Variants in DNAH11 observed in about 807,000 individuals in gnomAD.
DNAH11 encodes axonemal beta dynein heavy chain 11.
A neutral mutation model predicts 526.0 loss-of-function variants in DNAH11; 442 were observed. The observed-to-expected ratio is 0.84, with a 90% CI of 0.78 to 0.91. DNAH11 has a LOEUF of 0.91. DNAH11 is among the 40% of genes least tolerant of loss of function. The pLI is 0.00. For synonymous variants in DNAH11, 2,461 were observed against 1,935.9 expected (o/e 1.27, Z -7.12); for missense variants, 6,989 against 5,448.7 (o/e 1.28, Z -8.90).
chr7:21,690,951 T>C, intron 35 of DNAH11, 70 bp downstream of exon 35: 3 of 1,166,964 alleles, frequency 2.6e-6, no homozygotes, highest in South Asian at 1.5e-5. Flanking sequence ...TTTGCACTGT[T>C]AAGTGGTTTG....
intron 63 of DNAH11, among the ~76,000 whole-genome samples, chr7:21,810,416 G>A (rs1334401336): frequency 6.6e-6 from 1 of 152,110 alleles, no homozygotes; most frequent in Non-Finnish European, 1.5e-5. Context: ...ATGGACATGG[G>A]CACAGATATT....
At chr7:21,634,744 G>T (rs190893445) in intron 25 of DNAH11, among the ~76,000 whole-genome samples, 149 of 152,142 alleles carry the variant, frequency 9.8e-4, no homozygotes, top group Non-Finnish European at 1.6e-3. Flanking sequence ...GAAATCATGT[G>T]CACACCAAAC....
At chr7:21,564,062 G>A (rs1783566145) in intron 5 of DNAH11, 124 bp from the exon 6 acceptor site, 2 of 603,894 alleles carry the variant, frequency 3.3e-6, no homozygotes, top group East Asian at 5.7e-5. Context: ...AATATAAAAG[G>A]AACTATGACA....
chr7:21,741,824 G>T, intron 48 of DNAH11, 103 bp from the exon 49 acceptor site: 1 of 1,318,900 alleles, frequency 7.6e-7, no homozygotes. Flanking sequence ...AAAGCTACAT[G>T]GTAATGGGCC....
chr7:21,718,955 A>G (rs1373092569), intron 43 of DNAH11, among the ~76,000 whole-genome samples: 4 of 152,230 alleles, frequency 2.6e-5, no homozygotes, highest in Non-Finnish European at 2.9e-5. Flanking sequence ...GAATTTGTTC[A>G]TTATGAATTA....
chr7:21,765,135 G>A (rs1048777393), intron 54 of DNAH11, among the ~76,000 whole-genome samples: 1 of 152,154 alleles, frequency 6.6e-6, no homozygotes, highest in African/African-American at 2.4e-5. Flanking sequence ...CTTGTGTAAT[G>A]TAAATGAATA....
At chr7:21,565,544 G>A (rs914547817) in intron 6 of DNAH11, among the ~76,000 whole-genome samples, 1 of 152,124 alleles carries the variant, frequency 6.6e-6, no homozygotes, top group African/African-American at 2.4e-5. Flanking sequence ...GGAGTATGAG[G>A]TTGCATTGTT....
At chr7:21,735,927 C>G (rs138448158) in intron 46 of DNAH11, 83 bp downstream of exon 46, 1 of 1,268,474 alleles carries the variant, frequency 7.9e-7, no homozygotes, top group Non-Finnish European at 1.1e-6. Context: ...ACTAATAATG[C>G]CTTTCCCTAG....
At position 21,824,648 on chromosome 7, in the gene DNAH11, C is replaced by T. The variant is rs192554641; in HGVS notation, c.10691+6309C>T. On this transcript the variant is annotated intron_variant, in intron 65 of 81. Coordinates refer to ENST00000409508, the MANE Select transcript of DNAH11 (RefSeq NM_001277115.2). ...TCATCGGGAACATGCAAATCAAAGA[C>T]ATAGGAAGGTGAAGATTCTGAATGT... Among the ~76,000 whole-genome samples, 10 of 152,244 alleles carry T rather than the reference C, an allele frequency of 6.6e-5. No homozygotes were observed. In the East Asian group the frequency reaches 1.9e-3, roughly 29 times the overall value.
intron 65 of DNAH11, among the ~76,000 whole-genome samples, chr7:21,824,649 A>G (rs1020698372): frequency 7.2e-5 from 11 of 152,204 alleles, no homozygotes; most frequent in East Asian, 5.8e-4. Context: ...AATCAAAGAC[A>G]TAGGAAGGTG....
intron 69 of DNAH11, 137 bp downstream of exon 69, chr7:21,862,160 G>T (rs1783089766): frequency 1.1e-6 from 1 of 910,596 alleles, no homozygotes. Flanking sequence ...GGCATGAGGG[G>T]AATTTGCTTC....
At chr7:21,652,666 G>T (rs951447553) in intron 28 of DNAH11, among the ~76,000 whole-genome samples, 6 of 152,086 alleles carry the variant, frequency 3.9e-5, no homozygotes, top group African/African-American at 1.4e-4. Context: ...ATTGCATAAC[G>T]TGATTTCAAC....
chr7:21,771,820 A>C (rs1241815395), intron 55 of DNAH11, among the ~76,000 whole-genome samples: 1 of 151,456 alleles, frequency 6.6e-6, no homozygotes, highest in South Asian at 2.1e-4. Flanking sequence ...ACCAGCAGCA[A>C]CTCCTCTCAA....
At chr7:21,833,923 A>C (rs1269628588) in intron 65 of DNAH11, among the ~76,000 whole-genome samples, 2 of 152,136 alleles carry the variant, frequency 1.3e-5, no homozygotes, top group Non-Finnish European at 2.9e-5. Context: ...TCAGCACCTT[A>C]CTTTCAGCAA....
At chr7:21,713,021 A>G (rs1458955063) in intron 42 of DNAH11, among the ~76,000 whole-genome samples, 1 of 152,242 alleles carries the variant, frequency 6.6e-6, no homozygotes, top group African/African-American at 2.4e-5. Context: ...GTTTGCATGT[A>G]TGTATACTAT....
At chr7:21,602,861 GT>G (rs1214733307) in intron 18 of DNAH11, among the ~76,000 whole-genome samples, 5 of 151,910 alleles carry the variant, frequency 3.3e-5, no homozygotes, top group Non-Finnish European at 5.9e-5. Flanking sequence ...ATCAATTTCT[GT>G]TTTTTTCTTT....
At chr7:21,888,681 G>T (rs1026544617) in intron 76 of DNAH11, among the ~76,000 whole-genome samples, 2 of 151,872 alleles carry the variant, frequency 1.3e-5, no homozygotes, top group Non-Finnish European at 2.9e-5. Context: ...GTAGAGATGG[G>T]GTTTCACCAT....
intron 8 of DNAH11, among the ~76,000 whole-genome samples, chr7:21,577,237 A>AAG (rs1784131443): frequency 6.6e-6 from 1 of 152,242 alleles, no homozygotes; most frequent in Non-Finnish European, 1.5e-5. Flanking sequence ...GAAGATTTGT[A>AAG]AGCCATCAAC....
intron 30 of DNAH11, among the ~76,000 whole-genome samples, chr7:21,667,611 T>C (rs116813656): frequency 1.1e-3 from 175 of 152,222 alleles, no homozygotes; most frequent in African/African-American, 3.9e-3. Context: ...GTCACCCATA[T>C]ATGCCATTGG....
Sources: allele counts gnomAD v4.1 joint callset (sites outside exome capture counted in the v4.1 genomes callset), GRCh38; gene constraint gnomAD v4.1.1; transcripts MANE v1.5; gene names NCBI Gene and HGNC (gene_info 2026-07-23, HGNC 2026-07-21).